IQGAP2: variants seen among roughly 807,000 people sequenced by gnomAD.
The protein encoded by IQGAP2 is ras GTPase-activating-like protein IQGAP2.
IQGAP2 carries 173 observed loss-of-function variants against 201.3 expected under a neutral mutation model. The observed-to-expected ratio is 0.86, with a 90% CI of 0.76 to 0.98. The LOEUF (loss-of-function observed/expected upper bound fraction) is 0.98, where lower values mean the gene tolerates loss of function less well. Ranked by LOEUF, IQGAP2 falls within the 50% of genes least tolerant of loss-of-function variation. The pLI, the probability that IQGAP2 is intolerant of heterozygous loss-of-function variation, is 0.00. For missense variants in IQGAP2, 1,687 were observed against 1,864.8 expected (o/e 0.90, Z 1.76); for synonymous variants, 675 against 673.9 (o/e 1.00, Z -0.03).
chr5:76,646,245 T>G (rs1397321161), intron 17 of IQGAP2, among the ~76,000 whole-genome samples: 3 of 152,256 alleles, frequency 2.0e-5, no homozygotes, highest in Non-Finnish European at 4.4e-5. Context: ...GCCACTTTTA[T>G]GAACAACTGT....
intron 13 of IQGAP2, among the ~76,000 whole-genome samples, chr5:76,619,103 A>T (rs1749328891): frequency 6.6e-6 from 1 of 152,248 alleles, no homozygotes. Context: ...GTGGGCTATC[A>T]TGGGATCTGG....
intron 2 of IQGAP2, among the ~76,000 whole-genome samples, chr5:76,533,528 T>TTA (rs1254337972): frequency 5.0e-5 from 6 of 121,178 alleles, no homozygotes; most frequent in South Asian, 4.1e-4. Flanking sequence ...GCCCTATTAT[T>TTA]TATATATATA....
rs764171351 is a variant in IQGAP2 at position 76,627,419 on chromosome 5, A to G, written c.1531A>G (p.Ser511Gly). ...AKSQKLGDSE[S>G]VSKVLWLDEI... ...GTGACATTGTCCCCAGGACTCTGAG[A>G]GTGTTTCCAAAGTGCTTTGGCTGGA... Residue 511 changes from serine to glycine, a missense_variant, in exon 14 of 36, where the codon AGT (serine) becomes GGT (glycine). Ser to Gly is a moderately conservative substitution (Grantham distance 56). Coordinates refer to ENST00000274364, the MANE Select transcript of IQGAP2 (RefSeq NM_006633.5). 6.3e-7 allele frequency: 1 copy of G among 1,596,584 alleles called. No individual in the cohort carries two copies. The highest frequency in any genetic ancestry group is 8.6e-7 in the Non-Finnish European group (1 of 1,164,076).
intron 2 of IQGAP2, among the ~76,000 whole-genome samples, chr5:76,551,720 T>A (rs1743547513): frequency 6.6e-6 from 1 of 151,944 alleles, no homozygotes; most frequent in Non-Finnish European, 1.5e-5. Flanking sequence ...CAGGCGTGGC[T>A]GCGCGTGCCT....
At chr5:76,434,209 A>G (rs1403575192) in intron 1 of IQGAP2, among the ~76,000 whole-genome samples, 1 of 152,200 alleles carries the variant, frequency 6.6e-6, no homozygotes, top group African/African-American at 2.4e-5. Flanking sequence ...AGAAATTTCA[A>G]TAGCTTTGGG....
intron 17 of IQGAP2, among the ~76,000 whole-genome samples, chr5:76,648,617 A>C (rs906440554): frequency 6.6e-6 from 1 of 152,256 alleles, no homozygotes; most frequent in Admixed American, 6.5e-5. Flanking sequence ...CTATCATAAA[A>C]ATGTTAAAAT....
At chr5:76,654,104 A>G (rs1029139999) in intron 18 of IQGAP2, 96 bp from the exon 19 acceptor site, 35 of 773,754 alleles carry the variant, frequency 4.5e-5, no homozygotes, top group Non-Finnish European at 6.4e-5. Context: ...TGTTTTTAGA[A>G]AAACTACACA....
chr5:76,430,930 A>G (rs148973474), intron 1 of IQGAP2, among the ~76,000 whole-genome samples: 1 of 152,324 alleles, frequency 6.6e-6, no homozygotes. Flanking sequence ...TAAAATATTT[A>G]TATTAGGAAT....
rs184529666 is a variant in IQGAP2 at position 76,679,702 on chromosome 5, A to G, written c.3660+2352A>G. 2.0e-5 allele frequency among the ~76,000 whole-genome samples: 3 copies of G among 152,294 alleles called. No individual in the cohort carries two copies. In the East Asian group the frequency reaches 5.8e-4, roughly 29 times the overall value. On this transcript the variant is annotated intron_variant, in intron 28 of 35. Transcript: ENST00000274364. ...AAGAACATAAATTTATCCATCTTGC[A>G]TATTTTGTTCTTGTCTCTTAATTTT...
intron 2 of IQGAP2, among the ~76,000 whole-genome samples, chr5:76,544,145 C>T (rs946333454): frequency 1.3e-5 from 2 of 152,146 alleles, no homozygotes; most frequent in African/African-American, 4.8e-5. Context: ...TCTTCCTGTT[C>T]CCATGGCCAT....
At chr5:76,484,854 C>T (rs1008890261) in intron 2 of IQGAP2, among the ~76,000 whole-genome samples, 14 of 151,922 alleles carry the variant, frequency 9.2e-5, no homozygotes, top group East Asian at 5.8e-4. Flanking sequence ...GTTGTTGAGA[C>T]GGGGTCTCAC....
intron 30 of IQGAP2, among the ~76,000 whole-genome samples, chr5:76,685,238 T>G (rs1745633887): frequency 6.6e-6 from 1 of 152,118 alleles, no homozygotes; most frequent in African/African-American, 2.4e-5. Context: ...GGGGAGAAAG[T>G]CTACACCCTG....
At chr5:76,670,233 C>G (rs547803800) in intron 23 of IQGAP2, among the ~76,000 whole-genome samples, 1 of 152,160 alleles carries the variant, frequency 6.6e-6, no homozygotes, top group Non-Finnish European at 1.5e-5. Flanking sequence ...ACAAAAAGGC[C>G]GGGCACGGTG....
chr5:76,517,739 C>T (rs78861913), intron 2 of IQGAP2, among the ~76,000 whole-genome samples: 411 of 152,004 alleles, frequency 2.7e-3, no homozygotes, highest in African/African-American at 9.5e-3. Context: ...TTAGATCCAT[C>T]GCATACGAGT....
rs192942507 is a variant in IQGAP2, at chr5:76,625,850, C to T, written c.1522-1560C>T. Among the ~76,000 whole-genome samples the T allele has an allele frequency of 4.4e-4, 67 of 152,300 alleles. 1 individual carries two copies. Among genetic ancestry groups the T allele is most frequent in the Non-Finnish European group, 7.3e-4 (50 of 68,028 alleles). On this transcript the variant is annotated intron_variant, in intron 13 of 35. Transcript: ENST00000274364. ...CAGTCTTGACTTAGGATTTAGAACA[C>T]GACACTTATTCCTACACATAGGTAA...
At chr5:76,686,922 T>C (rs891938038) in intron 30 of IQGAP2, among the ~76,000 whole-genome samples, 1 of 152,250 alleles carries the variant, frequency 6.6e-6, no homozygotes, top group African/African-American at 2.4e-5. Flanking sequence ...TAATTGACAA[T>C]ACATGTATGG....
Position 76,435,499 on chromosome 5 carries a change from G to A in IQGAP2, c.47-26071G>A, listed in dbSNP as rs1561369309. ...TGTATGTTTTGTCAAAGATCACTTG[G>A]TTGAATTTGGCTTTGAGTTCTTTAC... On this transcript the variant is annotated intron_variant, in intron 1 of 35. Transcript: ENST00000274364. 2.0e-5 allele frequency among the ~76,000 whole-genome samples: 3 copies of A among 152,092 alleles called. No homozygotes were observed. In the South Asian group the frequency reaches 6.2e-4, roughly 32 times the overall value.
chr5:76,674,404 A>T (rs1044811044), intron 26 of IQGAP2, 73 bp from the exon 27 acceptor site: 42 of 560,538 alleles, frequency 7.5e-5, no homozygotes, highest in African/African-American at 3.2e-4. Flanking sequence ...ATATATCTTT[A>T]AAAAAAAAAA....
At chr5:76,491,731 C>T (rs1756556614) in intron 2 of IQGAP2, among the ~76,000 whole-genome samples, 1 of 152,170 alleles carries the variant, frequency 6.6e-6, no homozygotes, top group African/African-American at 2.4e-5. Flanking sequence ...CTCTTTTTCT[C>T]TTCTCTCACA....
Sources: allele counts gnomAD v4.1 joint callset (sites outside exome capture counted in the v4.1 genomes callset), GRCh38; gene constraint gnomAD v4.1.1; transcripts MANE v1.5; gene names NCBI Gene and HGNC (gene_info 2026-07-23, HGNC 2026-07-21).